PTPRD: variants seen among roughly 807,000 people sequenced by gnomAD.
The protein encoded by PTPRD is protein tyrosine phosphatase receptor type D.
A neutral mutation model predicts 214.5 loss-of-function variants in PTPRD; 34 were observed. The ratio of observed to expected loss-of-function variants is 0.16; its 90% confidence interval spans 0.12 to 0.21. The LOEUF is 0.21. PTPRD is among the 10% of genes least tolerant of loss of function. The pLI, the probability that PTPRD is intolerant of heterozygous loss-of-function variation, is 1.00. For missense variants in PTPRD, 2,545 were observed against 2,398.7 expected (o/e 1.06, Z -1.27); for synonymous variants, 1,128 against 845.7 (o/e 1.33, Z -5.79).
chr9:8,836,734 C>T (rs1187508703), intron 11 of PTPRD, among the ~76,000 whole-genome samples: 4 of 150,136 alleles, frequency 2.7e-5, no homozygotes, highest in African/African-American at 7.4e-5. Flanking sequence ...GTAGCTGGGA[C>T]TACAAGCGCA....
intron 2 of PTPRD, among the ~76,000 whole-genome samples, chr9:10,367,626 A>G (rs1217541095): frequency 6.6e-6 from 1 of 152,206 alleles, no homozygotes; most frequent in Non-Finnish European, 1.5e-5. Context: ...CAATATGAAT[A>G]AAAGTGAAAA....
rs2134132962 is a variant in PTPRD at position 8,460,401 on chromosome 9, G to C, written c.3875+10C>G. ...TCCAAAATTACAACAGAAATATTGG[G>C]CAAACCTACCTTTTATAAAGAAGAA... On this transcript the variant is annotated intron_variant, in intron 33 of 45. Coordinates refer to ENST00000381196, the MANE Select transcript of PTPRD (RefSeq NM_002839.4). The C allele has an allele frequency of 6.2e-7, 1 of 1,610,594 alleles. No homozygotes were observed. The highest frequency in any genetic ancestry group is 8.5e-7 in the Non-Finnish European group (1 of 1,178,378).
chr9:10,493,517 A>C lies in PTPRD; in HGVS notation c.-600+118881T>G, dbSNP rs560338996. On this transcript the variant is annotated intron_variant, in intron 2 of 45. Transcript: ENST00000381196. ...ATGGGGAAAGGATTCCCTATGTAAT[A>C]AATGGTGTTGGGAAAATTGGCTAGC... Among the ~76,000 whole-genome samples the C allele has an allele frequency of 6.2e-4, 94 of 152,236 alleles. 2 individuals carry two copies. In the South Asian group the frequency reaches 0.018, roughly 29 times the overall value.
At chr9:9,660,026 C>T (rs759127994) in intron 7 of PTPRD, among the ~76,000 whole-genome samples, 12 of 151,952 alleles carry the variant, frequency 7.9e-5, no homozygotes, top group Admixed American at 3.9e-4. Context: ...ACTTAAAACA[C>T]AATATATTTA....
chr9:9,304,788 T>C (rs2135092425), intron 9 of PTPRD, among the ~76,000 whole-genome samples: 1 of 151,624 alleles, frequency 6.6e-6, no homozygotes, highest in African/African-American at 2.4e-5. Context: ...GAAAAAGAGC[T>C]GACAGTCTTA....
At chr9:8,497,166 A>G (rs1412444150) in intron 26 of PTPRD, 76 bp downstream of exon 26, 2 of 1,293,248 alleles carry the variant, frequency 1.5e-6, no homozygotes, top group African/African-American at 3.1e-5. Flanking sequence ...ATGACAGATC[A>G]CAAATAAGTG....
intron 4 of PTPRD, among the ~76,000 whole-genome samples, chr9:9,998,632 A>T (rs1257049305): frequency 6.6e-6 from 1 of 152,146 alleles, no homozygotes; most frequent in Non-Finnish European, 1.5e-5. Flanking sequence ...ATGTGGCAGG[A>T]TCACTGTCCT....
intron 11 of PTPRD, among the ~76,000 whole-genome samples, chr9:8,970,547 A>G (rs944173134): frequency 4.0e-5 from 6 of 151,868 alleles, no homozygotes; most frequent in Non-Finnish European, 7.4e-5. Context: ...GAATTCTATG[A>G]GACAGCAAAA....
At chr9:10,098,521 T>A (rs1042757785) in intron 3 of PTPRD, among the ~76,000 whole-genome samples, 1 of 151,486 alleles carries the variant, frequency 6.6e-6, no homozygotes, top group Admixed American at 6.6e-5. Context: ...AAAATAAAAA[T>A]AAAAAATGCT....
intron 7 of PTPRD, among the ~76,000 whole-genome samples, chr9:9,670,293 G>A (rs1335441532): frequency 6.6e-6 from 1 of 152,138 alleles, no homozygotes; most frequent in Admixed American, 6.6e-5. Flanking sequence ...GTATCTGGCA[G>A]AAGTAATTTC....
rs143103710 is a variant in PTPRD at position 8,693,378 on chromosome 9, C to A, written c.64+40402G>T. 3.0e-3 allele frequency among the ~76,000 whole-genome samples: 453 copies of A among 152,234 alleles called. 1 individual carries two copies. The highest frequency in any genetic ancestry group is 0.011 in the African/African-American group (438 of 41,548). On this transcript the variant is annotated intron_variant, in intron 12 of 45. Transcript: ENST00000381196. ...CCTTCTTCTCCATGTTGACGTACGC[C>A]AATGAAAATAAACTGGGATATCAGA...
intron 8 of PTPRD, among the ~76,000 whole-genome samples, chr9:9,527,041 G>A (rs144569371): frequency 0.016 from 2,415 of 152,168 alleles, 37 homozygotes; most frequent in Admixed American, 0.026. Context: ...AATATTTAAT[G>A]AGTCTGTTAA....
chr9:8,666,830 A>G (rs1340112059), intron 12 of PTPRD, among the ~76,000 whole-genome samples: 1 of 152,184 alleles, frequency 6.6e-6, no homozygotes, highest in East Asian at 1.9e-4. Context: ...TCAACAATAC[A>G]TATCACTTTG....
chr9:9,469,380 C>G (rs1401472486), intron 8 of PTPRD, among the ~76,000 whole-genome samples: 1 of 152,164 alleles, frequency 6.6e-6, no homozygotes, highest in South Asian at 2.1e-4. Flanking sequence ...TGGCAATGTT[C>G]CCCAGAGAAC....
chr9:8,932,934 C>G (rs560062475), intron 11 of PTPRD, among the ~76,000 whole-genome samples: 1 of 152,232 alleles, frequency 6.6e-6, no homozygotes, highest in African/African-American at 2.4e-5. Flanking sequence ...ACTCCTGCAG[C>G]TAGCTTGGTG....
intron 10 of PTPRD, among the ~76,000 whole-genome samples, chr9:9,084,461 G>T (rs1373310687): frequency 2.0e-5 from 3 of 152,108 alleles, no homozygotes; most frequent in African/African-American, 7.2e-5. Context: ...CAGATGACAG[G>T]TTGATGGGTT....
rs138127948 is a variant in PTPRD, at chr9:8,733,795, G to C, written c.49C>G (p.Arg17Gly). ...LLLLLLTFFL[R>G]TDAETPPRFT... ...AATGGCTTACTCTCAGCATCCGTGC[G>C]GAGGAAGAAAGTGAGGAGCAGCAGC... Residue 17 changes from arginine (R) to glycine (G), a missense_variant, in exon 12 of 46, where the codon CGC becomes GGC. Arg to Gly is a moderately radical substitution (Grantham distance 125). Transcript: ENST00000381196. 6.4e-7 allele frequency: 1 copy of C among 1,553,010 alleles called. No homozygotes were observed. The highest frequency in any genetic ancestry group is 8.7e-7 in the Non-Finnish European group (1 of 1,147,630).
intron 10 of PTPRD, among the ~76,000 whole-genome samples, chr9:9,088,185 G>A (rs1402107044): frequency 1.3e-5 from 2 of 151,808 alleles, no homozygotes; most frequent in East Asian, 2.0e-4. Context: ...CCCGGCCAGA[G>A]CCCTAAACTT....
rs193267332 is a variant in PTPRD at position 8,323,399 on chromosome 9, A to G, written c.5535-3433T>C. On this transcript the variant is annotated intron_variant, in intron 44 of 45. Transcript: ENST00000381196. ...CTATACATTCTATAGATAGATAGTGATTTCTCTGATAGGTCTGGGCAAAGT... is the reference window on the plus strand; with the variant it reads ...CTATACATTCTATAGATAGATAGTGGTTTCTCTGATAGGTCTGGGCAAAGT... 3.3e-5 allele frequency among the ~76,000 whole-genome samples: 5 copies of G among 152,308 alleles called. No homozygotes were observed. The East Asian group carries it at 9.6e-4, about 29-fold the overall frequency.
Sources: gnomAD v4.1 joint callset for allele counts (sites outside exome capture counted in the v4.1 genomes callset) on GRCh38, gnomAD v4.1.1 for gene constraint, MANE v1.5 for transcripts, NCBI Gene and HGNC (gene_info 2026-07-23, HGNC 2026-07-21) for gene names.